CACNA2D3: variants seen among roughly 807,000 people sequenced by gnomAD.
The protein encoded by CACNA2D3 is calcium voltage-gated channel auxiliary subunit alpha2delta 3, also known as voltage-dependent calcium channel subunit alpha-2/delta-3.
In CACNA2D3, 60 loss-of-function variants were observed where a neutral mutation model predicts 160.6. That is an observed-to-expected ratio of 0.37 (90% confidence interval 0.30 to 0.46). The LOEUF (loss-of-function observed/expected upper bound fraction) is 0.46. CACNA2D3 is among the 20% of genes least tolerant of loss of function. CACNA2D3 has a pLI of 1.00. For synonymous variants in CACNA2D3, 558 were observed against 492.9 expected, an observed-to-expected ratio of 1.13 and a Z score of -1.75; for missense variants, 1,205 against 1,365.0, an observed-to-expected ratio of 0.88 and a Z score of 1.85.
chr3:54,399,760 G>C (rs1699413407), intron 4 of CACNA2D3, among the ~76,000 whole-genome samples: 1 of 89,088 alleles, frequency 1.1e-5, no homozygotes, highest in Non-Finnish European at 2.2e-5. Context: ...AGAGGTTACT[G>C]CTGTCTTTTT....
rs1701848303 is a variant in CACNA2D3, at chr3:54,534,073, T to G, written c.545-28727T>G. 2.0e-5 allele frequency among the ~76,000 whole-genome samples: 3 copies of G among 152,088 alleles called. No individual in the cohort carries two copies. The South Asian group carries it at 6.2e-4, about 31-fold the overall frequency. On this transcript the variant is annotated intron_variant, in intron 5 of 37. Coordinates refer to ENST00000474759, the MANE Select transcript of CACNA2D3 (RefSeq NM_018398.3). The stretch of plus-strand genomic sequence containing the variant: ...GCTCCCTCTGCAGGACAGCTTCCAT[T>G]GCCACCCTCCTTGCACGCTCTTCTG...
At chr3:54,227,937 C>G (rs542122195) in intron 2 of CACNA2D3, among the ~76,000 whole-genome samples, 38 of 152,288 alleles carry the variant, frequency 2.5e-4, no homozygotes, top group African/African-American at 9.1e-4. Flanking sequence ...TCATCTGAAG[C>G]AGAACTGACT....
chr3:54,845,092 G>A (rs1340320176), intron 16 of CACNA2D3, among the ~76,000 whole-genome samples: 2 of 152,194 alleles, frequency 1.3e-5, no homozygotes, highest in East Asian at 3.9e-4. Context: ...ATCTTTCACA[G>A]CATAATGAAA....
At chr3:54,720,302 G>A (rs1266727764) in intron 11 of CACNA2D3, among the ~76,000 whole-genome samples, 1 of 151,724 alleles carries the variant, frequency 6.6e-6, no homozygotes, top group Non-Finnish European at 1.5e-5. Flanking sequence ...TGCACTTTTA[G>A]ATATCATATT....
intron 10 of CACNA2D3, chr3:54,634,530 C>T (rs1372368712): frequency 1.3e-5 from 2 of 152,174 alleles, no homozygotes; most frequent in Non-Finnish European, 2.9e-5. Flanking sequence ...TTTGTGTGAG[C>T]AACAAGGCTG....
intron 9 of CACNA2D3, among the ~76,000 whole-genome samples, chr3:54,608,498 A>G (rs1224382360): frequency 6.6e-6 from 1 of 152,174 alleles, no homozygotes; most frequent in East Asian, 1.9e-4. Flanking sequence ...AATCACACAC[A>G]CAATAAAGAG....
intron 9 of CACNA2D3, chr3:54,626,682 GTCAA>G (rs1699117151): frequency 6.4e-6 from 2 of 312,076 alleles, no homozygotes; most frequent in Non-Finnish European, 5.0e-6. Flanking sequence ...CATGGTTCCA[GTCAA>G]AAAAAAAAAA....
At chr3:54,222,435 T>C (rs1267305074) in intron 2 of CACNA2D3, among the ~76,000 whole-genome samples, 4 of 152,226 alleles carry the variant, frequency 2.6e-5, no homozygotes, top group African/African-American at 4.8e-5. Flanking sequence ...GAGTTTTCTC[T>C]TATTCAGCCT....
intron 35 of CACNA2D3, among the ~76,000 whole-genome samples, chr3:55,063,604 G>A (rs1704565995): frequency 6.6e-6 from 1 of 152,188 alleles, no homozygotes; most frequent in Admixed American, 6.5e-5. Flanking sequence ...TCGTGGGTAG[G>A]TCAGCAGCCT....
At chr3:54,833,625 T>G (rs1009447673) in intron 14 of CACNA2D3, among the ~76,000 whole-genome samples, 1 of 152,012 alleles carries the variant, frequency 6.6e-6, no homozygotes, top group African/African-American at 2.4e-5. Flanking sequence ...GACTGCTATT[T>G]CCTATGGCAA....
At chr3:54,674,419 G>A (rs762576943) in intron 11 of CACNA2D3, among the ~76,000 whole-genome samples, 1 of 152,120 alleles carries the variant, frequency 6.6e-6, no homozygotes, top group Non-Finnish European at 1.5e-5. Context: ...AGGTATAATT[G>A]TTGCCTTAGG....
At chr3:54,865,675 GT>G (rs1409715156) in intron 17 of CACNA2D3, among the ~76,000 whole-genome samples, 7 of 152,354 alleles carry the variant, frequency 4.6e-5, no homozygotes, top group Middle Eastern at 3.4e-3. Context: ...ACAAGATACT[GT>G]TATGAACTCC....
chr3:54,735,227 G>GC (rs1000887071), intron 11 of CACNA2D3, among the ~76,000 whole-genome samples: 3 of 152,210 alleles, frequency 2.0e-5, no homozygotes, highest in Admixed American at 6.5e-5. Context: ...CACTTTTGGG[G>GC]TCTAGATTTT....
chr3:54,890,975 G>A (rs1349023852), intron 24 of CACNA2D3, among the ~76,000 whole-genome samples: 1 of 152,124 alleles, frequency 6.6e-6, no homozygotes, highest in South Asian at 2.1e-4. Flanking sequence ...TGCAAAAAGC[G>A]AGTCCTAAGC....
At chr3:54,347,549 C>T (rs116300919) in intron 3 of CACNA2D3, among the ~76,000 whole-genome samples, 2,963 of 152,136 alleles carry the variant, frequency 0.019, 34 homozygotes, top group Non-Finnish European at 0.029. Flanking sequence ...ACACCCTAAA[C>T]GCAGAATCTA....
chr3:54,692,610 C>T (rs1700590134), intron 11 of CACNA2D3, among the ~76,000 whole-genome samples: 1 of 152,164 alleles, frequency 6.6e-6, no homozygotes, highest in African/African-American at 2.4e-5. Context: ...CCATTTAAGT[C>T]TGGATCCTAC....
At chr3:54,452,952 T>C (rs1349203690) in intron 4 of CACNA2D3, among the ~76,000 whole-genome samples, 1 of 152,008 alleles carries the variant, frequency 6.6e-6, no homozygotes, top group Non-Finnish European at 1.5e-5. Context: ...ATGTCTTCTT[T>C]TTTTCTTTCT....
At chr3:54,219,720 C>T (rs1039170315) in intron 2 of CACNA2D3, among the ~76,000 whole-genome samples, 7 of 151,964 alleles carry the variant, frequency 4.6e-5, no homozygotes, top group African/African-American at 1.2e-4. Flanking sequence ...GAGGACCTTC[C>T]GGATCCCTCT....
intron 11 of CACNA2D3, among the ~76,000 whole-genome samples, chr3:54,728,472 A>G (rs1701319257): frequency 6.6e-6 from 1 of 151,964 alleles, no homozygotes; most frequent in African/African-American, 2.4e-5. Context: ...TATTTTGATC[A>G]TGGTTATTTT....
Sources: gnomAD v4.1 joint callset for allele counts (sites outside exome capture counted in the v4.1 genomes callset) on GRCh38, gnomAD v4.1.1 for gene constraint, MANE v1.5 for transcripts, NCBI Gene and HGNC (gene_info 2026-07-23, HGNC 2026-07-21) for gene names.